The following OR56A3 variants were observed in gnomAD, a reference collection of about 807,000 sequenced individuals.
The protein encoded by OR56A3 is olfactory receptor 56A3.
In OR56A3, 23 loss-of-function variants were observed where a neutral mutation model predicts 17.5. The ratio of observed to expected loss-of-function variants is 1.32; its 90% CI spans 0.95 to 1.87. OR56A3 has a LOEUF of 1.87. Ranked by LOEUF, OR56A3 falls within the 40% of genes most tolerant of loss-of-function variation. The probability of loss-of-function intolerance (pLI) is 0.00; values close to 1 mark genes in which losing one functional copy is unlikely to be tolerated. For missense variants in OR56A3, 366 were observed against 380.1 expected, an observed-to-expected ratio of 0.96 and a Z score of 0.31; for synonymous variants, 175 against 150.6, an observed-to-expected ratio of 1.16 and a Z score of -1.19.
the OR56A3 span, among the ~76,000 whole-genome samples, chr11:5,983,802 C>T: frequency 6.6e-6 from 1 of 152,136 alleles, no homozygotes; most frequent in Non-Finnish European, 1.5e-5. Flanking sequence ...TATTGTGTTT[C>T]AAAAGTACAA....
the OR56A3 span, among the ~76,000 whole-genome samples, chr11:5,956,583 C>A: frequency 2.6e-5 from 4 of 152,158 alleles, no homozygotes; most frequent in African/African-American, 9.7e-5. Context: ...GGTGCCTATA[C>A]AATGTTTTCT....
At chr11:5,967,418 A>C in the OR56A3 span, 15 of 653,486 alleles carry the variant, frequency 2.3e-5, no homozygotes, top group African/African-American at 2.6e-4. Context: ...ATATCCCTAT[A>C]ATCAATTGAA....
the OR56A3 span, chr11:5,986,430 C>T: frequency 4.3e-6 from 7 of 1,613,984 alleles, no homozygotes; most frequent in African/African-American, 4.0e-5. Flanking sequence ...ATCCCCTCAC[C>T]AGCACCACCA....
At chr11:5,970,525 T>C in the OR56A3 span, among the ~76,000 whole-genome samples, 4 of 152,128 alleles carry the variant, frequency 2.6e-5, no homozygotes, top group African/African-American at 7.2e-5. Flanking sequence ...GATCACCTCA[T>C]TGGAAATCTT....
At chr11:5,966,893 AAC>A in the OR56A3 span, among the ~76,000 whole-genome samples, 1,004 of 147,108 alleles carry the variant, frequency 6.8e-3, 1 homozygote, top group Non-Finnish European at 7.5e-3. Flanking sequence ...CACTTAAAGC[AAC>A]ACACACACAC....
At chr11:5,981,731 A>T in the OR56A3 span, among the ~76,000 whole-genome samples, 1 of 152,108 alleles carries the variant, frequency 6.6e-6, no homozygotes, top group African/African-American at 2.4e-5. Flanking sequence ...GTAAGAAGAT[A>T]CCCTGTCTTT....
the OR56A3 span, chr11:5,999,820 A>T: frequency 2.6e-5 from 4 of 152,360 alleles, no homozygotes; most frequent in African/African-American, 9.6e-5. Context: ...AATACTCTCA[A>T]CCTAAAAGAA....
At chr11:5,958,383 G>A in the OR56A3 span, among the ~76,000 whole-genome samples, 586 of 152,242 alleles carry the variant, frequency 3.8e-3, 8 homozygotes, top group Non-Finnish European at 5.6e-3. Flanking sequence ...GACTAAGAAT[G>A]ACACATGGAG....
chr11:6,006,995 A>G, the OR56A3 span: 1 of 152,118 alleles, frequency 6.6e-6, no homozygotes, highest in Non-Finnish European at 1.5e-5. Context: ...ATGGACCCTG[A>G]CTCCACTAGT....
the OR56A3 span, among the ~76,000 whole-genome samples, chr11:6,007,647 G>GA: frequency 2.0e-5 from 3 of 150,924 alleles, no homozygotes; most frequent in South Asian, 2.1e-4. Flanking sequence ...AGAAATCCTA[G>GA]AAAAAAAAAG....
At chr11:5,975,245 T>C in the OR56A3 span, among the ~76,000 whole-genome samples, 1 of 152,216 alleles carries the variant, frequency 6.6e-6, no homozygotes, top group Admixed American at 6.5e-5. Flanking sequence ...CTAGGGAACA[T>C]GTGCACAACG....
the OR56A3 span, among the ~76,000 whole-genome samples, chr11:5,958,331 A>C: frequency 1.3e-5 from 2 of 152,192 alleles, no homozygotes; most frequent in Non-Finnish European, 2.9e-5. Flanking sequence ...CTCAAATAGG[A>C]AAGGATTTTA....
chr11:5,990,903 G>A, the OR56A3 span, among the ~76,000 whole-genome samples: 1 of 152,080 alleles, frequency 6.6e-6, no homozygotes, highest in African/African-American at 2.4e-5. Flanking sequence ...GACTCTGGAA[G>A]GTCTGGGAAT....
chr11:6,003,283 A>G, the OR56A3 span: 1 of 552,392 alleles, frequency 1.8e-6, no homozygotes, highest in Non-Finnish European at 3.0e-6. Flanking sequence ...AATAAAATAG[A>G]GATAAGGGAA....
At chr11:5,951,887 A>G (rs533728880), downstream of OR56A3, among the ~76,000 whole-genome samples, 4 of 152,352 alleles carry the variant, frequency 2.6e-5, no homozygotes, top group Non-Finnish European at 5.9e-5. Context: ...AGGTAATTTT[A>G]GAAAATGTTA....
chr11:5,954,672 C>A (rs562902532), downstream of OR56A3, among the ~76,000 whole-genome samples: 1 of 152,078 alleles, frequency 6.6e-6, no homozygotes, highest in East Asian at 1.9e-4. Flanking sequence ...TTATTTCCAA[C>A]CTTAACAAAG....
chr11:5,953,093 C>T (rs527696095), downstream of OR56A3, among the ~76,000 whole-genome samples: 57 of 152,220 alleles, frequency 3.7e-4, no homozygotes, highest in African/African-American at 3.1e-4. Context: ...TTTGCTATTG[C>T]GAATAGTGCT....
At chr11:6,020,799 T>C in the OR56A3 span, 1 of 152,124 alleles carries the variant, frequency 6.6e-6, no homozygotes, top group African/African-American at 2.4e-5. Flanking sequence ...GGCCTTTATT[T>C]CTTTCTCTTG....
the OR56A3 span, chr11:5,967,793 C>T: frequency 6.3e-7 from 1 of 1,581,070 alleles, no homozygotes; most frequent in East Asian, 2.3e-5. Flanking sequence ...CCATATCTCC[C>T]TCACCCTTAA....
Sources: allele counts gnomAD v4.1 joint callset (sites outside exome capture counted in the v4.1 genomes callset), GRCh38; gene constraint gnomAD v4.1.1; transcripts MANE v1.5; gene names NCBI Gene and HGNC (gene_info 2026-07-23, HGNC 2026-07-21).